Variants in CPAMD8 observed in about 807,000 individuals in gnomAD.
CPAMD8 encodes C3 and PZP like alpha-2-macroglobulin domain containing 8, also known as C3 and PZP-like alpha-2-macroglobulin domain-containing protein 8.
Under a neutral mutation model 224.7 loss-of-function variants are expected in CPAMD8, and 146 were observed. The observed-to-expected ratio is 0.65, with a 90% CI of 0.57 to 0.75. The LOEUF is 0.75. CPAMD8 is among the 30% of genes least tolerant of loss of function. The pLI, the probability that CPAMD8 is intolerant of heterozygous loss-of-function variation, is 0.00. For synonymous variants in CPAMD8, 966 were observed against 1,044.6 expected (o/e 0.92, Z 1.45); for missense variants, 2,301 against 2,537.5 (o/e 0.91, Z 2.00).
chr19:16,957,790 G>A, intron 19 of CPAMD8, 63 bp downstream of exon 19: 1 of 1,524,860 alleles, frequency 6.6e-7, no homozygotes, highest in East Asian at 2.2e-5. Context: ...AGGCTCTCTG[G>A]ACCCGCATGA....
At chr19:16,906,372 T>TTC (rs1201856432) in intron 30 of CPAMD8, among the ~76,000 whole-genome samples, 1 of 68,948 alleles carries the variant, frequency 1.5e-5, no homozygotes, top group East Asian at 3.4e-4. Context: ...CTTTCTTTCT[T>TTC]TCTTTCTTTC....
At chr19:16,937,795 G>A (rs1267317584) in intron 23 of CPAMD8, among the ~76,000 whole-genome samples, 1 of 152,038 alleles carries the variant, frequency 6.6e-6, no homozygotes, top group Non-Finnish European at 1.5e-5. Flanking sequence ...TGGGATTACA[G>A]GTGCGTGCCA....
chr19:16,975,383 GGGCACT>G lies in CPAMD8; in HGVS notation c.1909-131_1909-126del. On this transcript the variant is annotated intron_variant, in intron 16 of 41. Transcript: ENST00000443236. The stretch of plus-strand genomic sequence containing the variant: ...CACGTCATGACAACCTCCAGGAGAT[GGGCACT>G]GGTAGCATCAGCCCATTTTAAGATG... 3 of 727,984 alleles carry G rather than the reference GGGCACT, an allele frequency of 4.1e-6. No homozygotes were observed. In the South Asian group the frequency reaches 5.3e-5, roughly 13 times the overall value. 45.1% of individuals were successfully genotyped at this position (727,984 alleles called of 1,614,324 possible). A position where few individuals can be genotyped will look rare whatever the true frequency, so the allele number is the denominator to read the frequency against.
intron 25 of CPAMD8, among the ~76,000 whole-genome samples, chr19:16,927,749 G>A (rs139193058): frequency 3.3e-5 from 5 of 152,188 alleles, no homozygotes; most frequent in Admixed American, 6.5e-5. Context: ...TTAGACTTGG[G>A]GGGCTCTAGA....
rs568456985 is a variant in CPAMD8, at chr19:16,928,229, G to A, written c.3150C>T (p.Gly1050=). ...ACTCATTGGATGGCTCTGGACCATG[G>A]CCAACCTGGAAAAAGAAACCAAGGC... ...ISWRGGLIQV[G]HGPEPSNESV... Residue 1050 remains glycine, a synonymous_variant, in exon 25 of 42, where the codon GGC becomes GGT. Transcript: ENST00000443236. 1.9e-6 allele frequency: 3 copies of A among 1,609,208 alleles called. No individual in the cohort carries two copies.
Position 16,893,281 on chromosome 19 carries a change from T to C in CPAMD8, c.5485A>G (p.Ser1829Gly). The change falls in exon 42 of 42, where the codon AGC becomes GGC. Residue 1829 changes from serine (S) to glycine (G), a missense_variant. Ser to Gly is a moderately conservative substitution (Grantham distance 56). This residue lies in a region of CPAMD8 where 1,709 missense variants were observed against 1,753.2 expected (regional missense o/e 0.97). Coordinates refer to ENST00000443236, the MANE Select transcript of CPAMD8 (RefSeq NM_015692.5). ...SSGNLESSTQ[S>G]ASPFHRWGQT... Reference sequence around the variant, plus strand: ...CCCCATCTGTGGAACGGGCTGGCGCTCTGGGTGCTGCTTTCCAGGTTCCCG... The same window carrying C: ...CCCCATCTGTGGAACGGGCTGGCGCCCTGGGTGCTGCTTTCCAGGTTCCCG... 1 of 1,561,006 alleles carries C rather than the reference T, an allele frequency of 6.4e-7. No homozygotes were observed. Among genetic ancestry groups the C allele is most frequent in the Non-Finnish European group, 8.7e-7 (1 of 1,152,250 alleles).
At chr19:16,992,805 C>T (rs945913794) in intron 12 of CPAMD8, among the ~76,000 whole-genome samples, 1 of 151,968 alleles carries the variant, frequency 6.6e-6, no homozygotes, top group Admixed American at 6.6e-5. Flanking sequence ...CGGGCATGCA[C>T]GTGTAATCTC....
chr19:16,948,900 A>G (rs991188415), intron 20 of CPAMD8, among the ~76,000 whole-genome samples: 143 of 60,008 alleles, frequency 2.4e-3, no homozygotes, highest in African/African-American at 5.6e-3. Context: ...AGGGAAGGGA[A>G]GGGAAGGGAA....
rs757001006 is a variant in CPAMD8, at chr19:16,901,212, G to A, written c.4771C>T (p.Gln1591Ter). Reference sequence around the variant, plus strand: ...GCTGCTCACCGGCGCTGCCTCACCTGCTCCAGGCTCTCGATGTCTGCCCGG... The same window carrying A: ...GCTGCTCACCGGCGCTGCCTCACCTACTCCAGGCTCTCGATGTCTGCCCGG... ...GFRADIESLE[Q>*]LLLDKHMGMK... Residue 1591 changes from glutamine to a stop codon, truncating the protein, a stop_gained and splice_region_variant, in exon 36 of 42, where the codon CAG (glutamine) becomes TAG (stop). Transcript: ENST00000443236. LOFTEE classifies it high-confidence loss of function. 6.8e-6 allele frequency: 11 copies of A among 1,607,218 alleles called. No homozygotes were observed. Among genetic ancestry groups the A allele is most frequent in the Non-Finnish European group, 9.3e-6 (11 of 1,176,894 alleles).
At chr19:17,001,086 C>A (rs2056298621) in intron 9 of CPAMD8, among the ~76,000 whole-genome samples, 1 of 151,982 alleles carries the variant, frequency 6.6e-6, no homozygotes, top group Non-Finnish European at 1.5e-5. Flanking sequence ...CTTTGGGAGG[C>A]CAAGGTGGGC....
At position 16,902,910 on chromosome 19, in the gene CPAMD8, A is replaced by G. The variant is rs2052321725; in HGVS notation, c.4471-47T>C. 3 of 1,286,366 alleles carry G rather than the reference A, an allele frequency of 2.3e-6. No homozygotes were observed. In the East Asian group the frequency reaches 7.4e-5, roughly 32 times the overall value. 79.7% of individuals were successfully genotyped at this position (1,286,366 alleles called of 1,614,324 possible). ...AGGCTTAGGGACCTGGGCCCTCCAT[A>G]ACAGGTGCAGGGTAGGGGAGGAGAA... On this transcript the variant is annotated intron_variant, in intron 34 of 41. Coordinates refer to ENST00000443236, the MANE Select transcript of CPAMD8 (RefSeq NM_015692.5).
rs1397013299 is a variant in CPAMD8, at chr19:17,002,298, C to T, written c.726G>A (p.Leu242=). Residue 242 remains leucine, a synonymous_variant, in exon 9 of 42, where the codon CTG becomes CTA. Transcript: ENST00000443236. ...LIDPPRYIQD[L]DACETGTVRA... is the part of the protein sequence containing the mutation. ...GCACAGTGCCTGTCTCACAGGCGTC[C>T]AGGTCTTGGATATACCGGGGCGGGT... The T allele has an allele frequency of 6.2e-7, 1 of 1,605,134 alleles. No individual in the cohort carries two copies. Among genetic ancestry groups the T allele is most frequent in the Non-Finnish European group, 8.5e-7 (1 of 1,174,888 alleles).
At chr19:17,014,595 G>T (rs895240973) in intron 3 of CPAMD8, among the ~76,000 whole-genome samples, 1 of 152,136 alleles carries the variant, frequency 6.6e-6, no homozygotes, top group Admixed American at 6.5e-5. Flanking sequence ...AAGGTGAAAG[G>T]CACGTCTTAC....
Position 16,903,850 on chromosome 19 carries a change from C to T in CPAMD8, c.4259G>A (p.Cys1420Tyr). ...LGGFSSTQDT[C>Y]VALQALAEYA... Reference sequence around the variant, plus strand: ...TTCAGCCAAGGCCTGCAGAGCCACGCAGGTGTCCTGGGGATGGAGGAGGAG... The same window carrying T: ...TTCAGCCAAGGCCTGCAGAGCCACGTAGGTGTCCTGGGGATGGAGGAGGAG... Residue 1420 changes from cysteine (C) to tyrosine (Y), a missense_variant, in exon 33 of 42, where the codon TGC becomes TAC. Coordinates refer to ENST00000443236, the MANE Select transcript of CPAMD8 (RefSeq NM_015692.5). 2 of 1,613,516 alleles carry T rather than the reference C, an allele frequency of 1.2e-6. No individual in the cohort carries two copies. Among genetic ancestry groups the T allele is most frequent in the Non-Finnish European group, 1.7e-6 (2 of 1,179,960 alleles).
At chr19:16,998,819 G>C (rs937092693) in intron 10 of CPAMD8, among the ~76,000 whole-genome samples, 1 of 152,258 alleles carries the variant, frequency 6.6e-6, no homozygotes, top group Middle Eastern at 3.4e-3. Context: ...TAGCAATTCC[G>C]CTCCTAGGAA....
chr19:17,014,155 G>C (rs945242937), intron 3 of CPAMD8, among the ~76,000 whole-genome samples: 1 of 152,112 alleles, frequency 6.6e-6, no homozygotes, highest in African/African-American at 2.4e-5. Context: ...GGGCTCATGC[G>C]ATCCTCCTGC....
Position 17,004,907 on chromosome 19 carries a change from G to T in CPAMD8, c.560-521C>A, listed in dbSNP as rs1012594693. 1.3e-4 allele frequency among the ~76,000 whole-genome samples: 19 copies of T among 151,676 alleles called. No individual in the cohort carries two copies. In the South Asian group the frequency reaches 2.5e-3, roughly 20 times the overall value. On this transcript the variant is annotated intron_variant, in intron 7 of 41. Coordinates refer to ENST00000443236, the MANE Select transcript of CPAMD8 (RefSeq NM_015692.5). ...AAGTCCCCCAGATACTGCCAATATCGCCCCTAGGGGGCAAAATCACCCCTG... is the reference window on the plus strand; with the variant it reads ...AAGTCCCCCAGATACTGCCAATATCTCCCCTAGGGGGCAAAATCACCCCTG...
chr19:16,982,760 G>C (rs1483380203), intron 13 of CPAMD8, among the ~76,000 whole-genome samples: 1 of 152,118 alleles, frequency 6.6e-6, no homozygotes, highest in Non-Finnish European at 1.5e-5. Flanking sequence ...GATCACTTGA[G>C]CACAGGAGGT....
At chr19:17,001,005 G>A (rs970642883) in intron 9 of CPAMD8, among the ~76,000 whole-genome samples, 3 of 152,136 alleles carry the variant, frequency 2.0e-5, no homozygotes, top group Non-Finnish European at 2.9e-5. Context: ...GGGAATGCTG[G>A]TGGATGGGGA....
Sources: allele counts gnomAD v4.1 joint callset (sites outside exome capture counted in the v4.1 genomes callset), GRCh38; gene constraint gnomAD v4.1.1; regional missense constraint gnomAD v4.1.1; transcripts MANE v1.5; gene names NCBI Gene and HGNC (gene_info 2026-07-23, HGNC 2026-07-21).